PLEKHA5: variants seen among roughly 807,000 people sequenced by gnomAD.
The protein encoded by PLEKHA5 is pleckstrin homology domain containing A5.
Under a neutral mutation model 181.9 loss-of-function variants are expected in PLEKHA5, and 55 were observed. The ratio of observed to expected loss-of-function variants is 0.30; its 90% confidence interval spans 0.24 to 0.38. The LOEUF is 0.38. Ranked by LOEUF, PLEKHA5 falls within the 10% of genes least tolerant of loss-of-function variation. PLEKHA5 has a pLI of 1.00. For missense variants in PLEKHA5, 1,432 were observed against 1,549.5 expected, an observed-to-expected ratio of 0.92 and a Z score of 1.27; for synonymous variants, 535 against 529.4, an observed-to-expected ratio of 1.01 and a Z score of -0.15.
intron 3 of PLEKHA5, among the ~76,000 whole-genome samples, chr12:19,250,160 A>C (rs2064889224): frequency 6.6e-6 from 1 of 152,204 alleles, no homozygotes; most frequent in African/African-American, 2.4e-5. Context: ...ATATATTAAA[A>C]GTCTGGAAGT....
At chr12:19,214,179 A>C (rs549723251) in intron 3 of PLEKHA5, among the ~76,000 whole-genome samples, 2 of 152,332 alleles carry the variant, frequency 1.3e-5, no homozygotes, top group Admixed American at 6.5e-5. Flanking sequence ...TCAGCAGAGC[A>C]GACCTAGCAG....
chr12:19,214,310 C>G (rs911215605), intron 3 of PLEKHA5, among the ~76,000 whole-genome samples: 1 of 152,242 alleles, frequency 6.6e-6, no homozygotes, highest in Admixed American at 6.5e-5. Context: ...CACCTTTTGA[C>G]TTTGTCAGTT....
At chr12:19,260,896 T>C (rs111454675) in intron 6 of PLEKHA5, 53 bp from the exon 7 acceptor site, 1 of 989,144 alleles carries the variant, frequency 1.0e-6, no homozygotes, top group South Asian at 1.8e-5. Flanking sequence ...TAAATGCACA[T>C]GTGAGTTTTT....
intron 15 of PLEKHA5, 152 bp from the exon 16 acceptor site, chr12:19,314,662 A>G (rs1443456115): frequency 1.5e-6 from 1 of 653,838 alleles, no homozygotes; most frequent in Admixed American, 2.1e-5. Flanking sequence ...AATGGTTTAT[A>G]TGAATTAAAT....
chr12:19,361,552 GA>G (rs1227520348), intron 28 of PLEKHA5, 29 bp from the exon 29 acceptor site: 2 of 1,142,662 alleles, frequency 1.8e-6, no homozygotes, highest in Non-Finnish European at 2.5e-6. Context: ...AGAATTCTTT[GA>G]AAAGAAAATT....
chr12:19,373,770 TTGA>T (rs1292949547), intron 31 of PLEKHA5: 6 of 152,310 alleles, frequency 3.9e-5, no homozygotes, highest in South Asian at 4.1e-4. Context: ...ATGTAAAGAC[TTGA>T]TGACCTCTTA....
intron 15 of PLEKHA5, chr12:19,306,960 T>G (rs2084028862): frequency 1.9e-5 from 24 of 1,265,958 alleles, no homozygotes; most frequent in Non-Finnish European, 2.7e-5. Context: ...TGCCTACTCC[T>G]AACCCACTTA....
chr12:19,322,579 C>T lies in PLEKHA5; in HGVS notation c.2360C>T (p.Pro787Leu). Reference sequence around the variant, plus strand: ...GAGATAGAAATGCATGCAGATAACCCAGCAGCCATTCAGACAGTGGTGTTA... The same window carrying T: ...GAGATAGAAATGCATGCAGATAACCTAGCAGCCATTCAGACAGTGGTGTTA... ...SQEIEMHADN[P>L]AAIQTVVLQR... is the part of the protein sequence containing the mutation. The change falls in exon 20 of 32, where the codon CCA (proline) becomes CTA (leucine). Residue 787 changes from proline (P) to leucine (L), a missense_variant. By Grantham distance (98) the Pro-to-Leu change is moderately conservative (BLOSUM62 -3). Coordinates refer to ENST00000429027, the MANE Select transcript of PLEKHA5 (RefSeq NM_001256470.2). The T allele has an allele frequency of 1.2e-6, 2 of 1,613,526 alleles. No individual in the cohort carries two copies. The highest frequency in any genetic ancestry group is 1.7e-6 in the Non-Finnish European group (2 of 1,179,582).
chr12:19,320,734 C>T (rs951501223), intron 18 of PLEKHA5, 110 bp downstream of exon 18: 1 of 547,164 alleles, frequency 1.8e-6, no homozygotes, highest in Non-Finnish European at 3.3e-6. Flanking sequence ...TCCAAAGTGA[C>T]ATCAGGTAAA....
chr12:19,145,595 A>G (rs2038721883), intron 3 of PLEKHA5, among the ~76,000 whole-genome samples: 1 of 152,144 alleles, frequency 6.6e-6, no homozygotes, highest in South Asian at 2.1e-4. Context: ...TTAAAGGTCA[A>G]TATCGTTCTT....
At chr12:19,230,551 G>C (rs374413175) in intron 3 of PLEKHA5, among the ~76,000 whole-genome samples, 30 of 152,318 alleles carry the variant, frequency 2.0e-4, no homozygotes, top group African/African-American at 6.7e-4. Flanking sequence ...GGTGCGGGTA[G>C]GCTGGCAGTG....
intron 30 of PLEKHA5, among the ~76,000 whole-genome samples, chr12:19,367,829 G>A (rs1230394047): frequency 2.7e-5 from 4 of 150,274 alleles, no homozygotes; most frequent in Non-Finnish European, 4.4e-5. Flanking sequence ...CTCGTGATCC[G>A]CCCGCCTCGG....
intron 3 of PLEKHA5, among the ~76,000 whole-genome samples, chr12:19,212,086 G>A (rs552578072): frequency 1.2e-4 from 19 of 152,224 alleles, no homozygotes; most frequent in South Asian, 2.1e-4. Context: ...TTTATTTAAC[G>A]GAGGCTTGTA....
intron 3 of PLEKHA5, among the ~76,000 whole-genome samples, chr12:19,205,775 G>A (rs1297970280): frequency 6.6e-6 from 1 of 151,984 alleles, no homozygotes; most frequent in Non-Finnish European, 1.5e-5. Context: ...GGACAGTATA[G>A]CATTTTTGTT....
intron 10 of PLEKHA5, among the ~76,000 whole-genome samples, chr12:19,273,090 G>A (rs148377420): frequency 6.6e-6 from 1 of 151,446 alleles, no homozygotes; most frequent in Non-Finnish European, 1.5e-5. Flanking sequence ...TTTATTTTTC[G>A]TAGAGACGGG....
intron 3 of PLEKHA5, among the ~76,000 whole-genome samples, chr12:19,191,887 AAG>A (rs1438030566): frequency 6.6e-6 from 1 of 152,160 alleles, no homozygotes. Flanking sequence ...GACCAAGCCT[AAG>A]AGAGTAAGGT....
intron 3 of PLEKHA5, among the ~76,000 whole-genome samples, chr12:19,148,207 C>T (rs1008807468): frequency 2.6e-5 from 4 of 152,194 alleles, no homozygotes; most frequent in Non-Finnish European, 5.9e-5. Context: ...CAGGCACCTG[C>T]CACCACGCCT....
chr12:19,160,937 A>T (rs1446984474), intron 3 of PLEKHA5, among the ~76,000 whole-genome samples: 1 of 152,198 alleles, frequency 6.6e-6, no homozygotes. Context: ...CAGTATTAGT[A>T]ATAGTAAAAG....
intron 3 of PLEKHA5, among the ~76,000 whole-genome samples, chr12:19,204,646 A>G (rs1433035428): frequency 6.6e-6 from 1 of 152,180 alleles, no homozygotes; most frequent in Admixed American, 6.6e-5. Context: ...AAATTTTTGT[A>G]TAGGTTTGTC....
Sources: allele counts gnomAD v4.1 joint callset (sites outside exome capture counted in the v4.1 genomes callset), GRCh38; gene constraint gnomAD v4.1.1; transcripts MANE v1.5; gene names NCBI Gene and HGNC (gene_info 2026-07-23, HGNC 2026-07-21).